HDAC4: variants seen among roughly 807,000 people sequenced by gnomAD.
The protein encoded by HDAC4 is histone deacetylase A.
HDAC4 carries 16 observed loss-of-function variants against 135.1 expected under a neutral mutation model. That is an observed-to-expected ratio of 0.12 (90% confidence interval 0.08 to 0.18). The LOEUF (loss-of-function observed/expected upper bound fraction) is 0.18, where lower values mean the gene tolerates loss of function less well. Ranked by LOEUF, HDAC4 falls within the 10% of genes least tolerant of loss-of-function variation. HDAC4 has a pLI of 1.00. For missense variants in HDAC4, 1,143 were observed against 1,511.8 expected, an observed-to-expected ratio of 0.76 and a Z score of 4.05; for synonymous variants, 685 against 653.4, an observed-to-expected ratio of 1.05 and a Z score of -0.74.
chr2:239,196,693 C>T (rs2045406369), intron 3 of HDAC4, among the ~76,000 whole-genome samples: 1 of 152,172 alleles, frequency 6.6e-6, no homozygotes, highest in Admixed American at 6.5e-5. Context: ...GAACCAGGTG[C>T]CAGAAGGTGT....
At chr2:239,177,942 C>T (rs1330708741) in intron 4 of HDAC4, among the ~76,000 whole-genome samples, 4 of 152,230 alleles carry the variant, frequency 2.6e-5, no homozygotes, top group Non-Finnish European at 5.9e-5. Context: ...ACTGACCAGA[C>T]GCCCTGAGAG....
chr2:239,327,781 C>T (rs1376125125), intron 2 of HDAC4, among the ~76,000 whole-genome samples: 1 of 152,184 alleles, frequency 6.6e-6, no homozygotes, highest in Non-Finnish European at 1.5e-5. Flanking sequence ...CCAGAGCAAG[C>T]CTAGAGACAC....
intron 4 of HDAC4, among the ~76,000 whole-genome samples, chr2:239,183,513 G>A (rs1039565905): frequency 6.6e-6 from 1 of 152,222 alleles, no homozygotes; most frequent in African/African-American, 2.4e-5. Flanking sequence ...GGCATCCATG[G>A]CTCTCCAGGT....
chr2:239,111,759 C>T (rs1235882895), intron 13 of HDAC4, 47 bp from the exon 14 acceptor site: 1 of 1,526,182 alleles, frequency 6.6e-7, no homozygotes, highest in Non-Finnish European at 8.9e-7. Context: ...TGTCTCCCGC[C>T]CCTGGGCTGC....
intron 12 of HDAC4, among the ~76,000 whole-genome samples, chr2:239,116,308 AGGTCCAATGCCGAACGCAG>A (rs374307983): frequency 0.01 from 1,554 of 152,302 alleles, 24 homozygotes; most frequent in African/African-American, 0.036. Context: ...CCAGCACAGC[AGGTCCAATGCCGAACGCAG>A]GGCAGCTTCT....
rs908075075 is a variant in HDAC4 at position 239,189,828 on chromosome 2, C to T, written c.339+5G>A. ...GCCCACCCGCAGCCCCGCACCGCGC[C>T]TCACCTTGATGTGCTCGTGGAGCTG... On this transcript the variant is annotated splice_donor_5th_base_variant and intron_variant, in intron 4 of 26. Coordinates refer to ENST00000543185, the MANE Select transcript of HDAC4 (RefSeq NM_001378414.1). The T allele has an allele frequency of 4.4e-6, 7 of 1,604,474 alleles. No individual in the cohort carries two copies. The African/African-American group carries it at 9.4e-5, about 21-fold the overall frequency.
chr2:239,192,056 TG>T (rs1452382743), intron 3 of HDAC4, among the ~76,000 whole-genome samples: 1 of 152,258 alleles, frequency 6.6e-6, no homozygotes, highest in African/African-American at 2.4e-5. Context: ...AGTTTTTAAT[TG>T]GGTGTCGACT....
chr2:239,129,934 G>A (rs141942382), intron 11 of HDAC4, among the ~76,000 whole-genome samples: 2 of 152,290 alleles, frequency 1.3e-5, no homozygotes, highest in East Asian at 3.9e-4. Context: ...GTGAAAGACT[G>A]GATTGCTCTC....
At chr2:239,363,723 A>T (rs1195507093) in intron 1 of HDAC4, among the ~76,000 whole-genome samples, 1 of 152,246 alleles carries the variant, frequency 6.6e-6, no homozygotes, top group African/African-American at 2.4e-5. Context: ...AGAAAATGAT[A>T]AATTGTGCTG....
chr2:239,180,752 G>A (rs764796649), intron 4 of HDAC4, among the ~76,000 whole-genome samples: 14 of 152,188 alleles, frequency 9.2e-5, no homozygotes, highest in Admixed American at 5.2e-4. Context: ...AGGGTGTGCT[G>A]GGCCGCTGCC....
intron 3 of HDAC4, among the ~76,000 whole-genome samples, chr2:239,196,837 A>C (rs889704249): frequency 6.6e-6 from 1 of 152,204 alleles, no homozygotes; most frequent in East Asian, 1.9e-4. Flanking sequence ...GAGTGGGGCC[A>C]TGTGGTCAAC....
At position 239,149,397 on chromosome 2, in the gene HDAC4, T is replaced by TAAAA. The variant is rs548949657; in HGVS notation, c.734-4687_734-4684dup. Among the ~76,000 whole-genome samples, 293 of 151,040 alleles carry TAAAA rather than the reference T, an allele frequency of 1.9e-3. 6 individuals carry two copies. In the South Asian group the frequency reaches 0.042, roughly 21 times the overall value. On this transcript the variant is annotated intron_variant, in intron 7 of 26. Coordinates refer to ENST00000543185, the MANE Select transcript of HDAC4 (RefSeq NM_001378414.1). The stretch of plus-strand genomic sequence containing the variant: ...CAAAATAAATAAATAAATAAATAAA[T>TAAAA]AAAAAGATAATTCTAAAAGACAAAT...
chr2:239,269,065 C>T (rs2049905546), intron 2 of HDAC4, among the ~76,000 whole-genome samples: 1 of 152,166 alleles, frequency 6.6e-6, no homozygotes, highest in Non-Finnish European at 1.5e-5. Context: ...TTACTGTGCA[C>T]ACTAAGACCT....
chr2:239,398,798 G>C (rs968583017), intron 1 of HDAC4, among the ~76,000 whole-genome samples: 3 of 152,238 alleles, frequency 2.0e-5, no homozygotes, highest in African/African-American at 7.2e-5. Flanking sequence ...ATGCAGTCCA[G>C]TCATCTTCCC....
chr2:239,153,023 G>A lies in HDAC4; in HGVS notation c.733+3629C>T, dbSNP rs2042209717. On this transcript the variant is annotated intron_variant, in intron 7 of 26. Coordinates refer to ENST00000543185, the MANE Select transcript of HDAC4 (RefSeq NM_001378414.1). ...CAAGAGCTTCCCCAGGTCCCAAGGT[G>A]GCGGGTGAAGGAGCTGGGTAGAAAC... Among the ~76,000 whole-genome samples, 7 of 152,196 alleles carry A rather than the reference G, an allele frequency of 4.6e-5. 1 individual carries two copies. The highest frequency in any genetic ancestry group is 4.6e-4 in the Admixed American group (7 of 15,288).
chr2:239,100,601 C>T (rs777601599), intron 16 of HDAC4, among the ~76,000 whole-genome samples: 3 of 152,102 alleles, frequency 2.0e-5, no homozygotes, highest in African/African-American at 4.8e-5. Flanking sequence ...CTTGGTTGTC[C>T]GCTCCTAAGG....
intron 21 of HDAC4, among the ~76,000 whole-genome samples, 180 bp from the exon 22 acceptor site, chr2:239,081,372 A>G (rs538328423): frequency 6.6e-6 from 1 of 152,308 alleles, no homozygotes; most frequent in African/African-American, 2.4e-5. Flanking sequence ...CCCCACTGAC[A>G]GGGGCACACT....
At position 239,101,702 on chromosome 2, in the gene HDAC4, C is replaced by T. The variant is rs528544152; in HGVS notation, c.2233+1074G>A. Reference sequence around the variant, plus strand: ...GCTGGGAGGCAGGGAAAGACGTTATCGAGGAACAAAGGGAGCCCTGGGATC... The same window carrying T: ...GCTGGGAGGCAGGGAAAGACGTTATTGAGGAACAAAGGGAGCCCTGGGATC... On this transcript the variant is annotated intron_variant, in intron 16 of 26. Transcript: ENST00000543185. 1.4e-3 allele frequency among the ~76,000 whole-genome samples: 212 copies of T among 152,232 alleles called. 2 individuals carry two copies. The highest frequency in any genetic ancestry group is 2.0e-3 in the Admixed American group (30 of 15,294).
At position 239,156,733 on chromosome 2, in the gene HDAC4, G is replaced by C; in HGVS notation, c.652C>G (p.Gln218Glu). The change falls in exon 7 of 27, where the codon CAG becomes GAG. Residue 218 changes from glutamine (Q) to glutamate (E), a missense_variant. Physicochemically the swap from Gln to Glu is conservative, Grantham distance 29 (BLOSUM62 2). Transcript: ENST00000543185. ...TTATAGGAGGTCGACACTCCGCTCTGGGGTGGAGAACTCTGGTCAAGGGAA... is the reference window on the plus strand; with the variant it reads ...TTATAGGAGGTCGACACTCCGCTCTCGGGTGGAGAACTCTGGTCAAGGGAA... ...HSSLDQSSPP[Q>E]SGVSTSYNHP... 6.2e-7 allele frequency: 1 copy of C among 1,614,104 alleles called. No individual in the cohort carries two copies.
Sources: allele counts gnomAD v4.1 joint callset (sites outside exome capture counted in the v4.1 genomes callset), GRCh38; gene constraint gnomAD v4.1.1; transcripts MANE v1.5; gene names NCBI Gene and HGNC (gene_info 2026-07-23, HGNC 2026-07-21).